KCNK13: variants seen among roughly 807,000 people sequenced by gnomAD.
KCNK13 encodes the protein potassium channel subfamily K member 13.
KCNK13 carries 12 observed loss-of-function variants against 23.4 expected under a neutral mutation model. The ratio of observed to expected loss-of-function variants is 0.51; its 90% CI spans 0.33 to 0.83. The LOEUF (loss-of-function observed/expected upper bound fraction) is 0.83, where lower values mean the gene tolerates loss of function less well. Ranked by LOEUF, KCNK13 falls within the 40% of genes least tolerant of loss-of-function variation. KCNK13 has a pLI of 0.02. For missense variants in KCNK13, 463 were observed against 556.3 expected (o/e 0.83, Z 1.69); for synonymous variants, 231 against 229.5 (o/e 1.01, Z -0.06).
intron 1 of KCNK13, among the ~76,000 whole-genome samples, chr14:90,064,379 G>T (rs547889391): frequency 6.6e-6 from 1 of 152,124 alleles, no homozygotes; most frequent in Non-Finnish European, 1.5e-5. Context: ...GTGTGTGTGT[G>T]GACAGGTGCA....
At chr14:90,072,497 G>A (rs8005841) in intron 1 of KCNK13, among the ~76,000 whole-genome samples, 1 of 152,190 alleles carries the variant, frequency 6.6e-6, no homozygotes, top group Admixed American at 6.5e-5. Context: ...CCAGTTGAAG[G>A]TTTGATGATC....
At chr14:90,121,721 A>G (rs1596787166) in intron 1 of KCNK13, among the ~76,000 whole-genome samples, 1 of 151,910 alleles carries the variant, frequency 6.6e-6, no homozygotes, top group Non-Finnish European at 1.5e-5. Flanking sequence ...TGTGCTTTTT[A>G]TTTTATTTTA....
In KCNK13 at chr14:90,092,912, C is replaced by CA. The variant is rs34122207; in HGVS notation, c.334+30395dup. 6.5e-3 allele frequency among the ~76,000 whole-genome samples: 509 copies of CA among 78,216 alleles called. 7 individuals carry two copies. The highest frequency in any genetic ancestry group is 9.4e-3 in the Non-Finnish European group (373 of 39,670). 51.3% of individuals were successfully genotyped at this position (78,216 alleles called of 152,430 possible). The stretch of plus-strand genomic sequence containing the variant: ...GGATGACAGAGTGAGACCCTGTCTC[C>CA]AAAAAAAAAAAAAAAAAAAAAAGCA... On this transcript the variant is annotated intron_variant, in intron 1 of 1. Transcript: ENST00000282146.
chr14:90,131,372 C>CGTG (rs767254675), intron 1 of KCNK13, among the ~76,000 whole-genome samples: 17 of 152,080 alleles, frequency 1.1e-4, no homozygotes, highest in Non-Finnish European at 2.1e-4. Flanking sequence ...ACTGGGACTA[C>CGTG]AGGCACGTGC....
At chr14:90,183,331 A>G (rs899808675) in intron 1 of KCNK13, among the ~76,000 whole-genome samples, 9 of 152,074 alleles carry the variant, frequency 5.9e-5, no homozygotes, top group African/African-American at 2.2e-4. Context: ...TCTCATTTCT[A>G]TGTATGCTAG....
intron 1 of KCNK13, among the ~76,000 whole-genome samples, chr14:90,064,519 C>G (rs1448709418): frequency 6.6e-6 from 1 of 152,120 alleles, no homozygotes; most frequent in Admixed American, 6.5e-5. Flanking sequence ...GGAGTGGGAG[C>G]TTTTCATCCT....
intron 1 of KCNK13, among the ~76,000 whole-genome samples, chr14:90,181,342 A>T (rs1890483253): frequency 6.6e-6 from 1 of 152,220 alleles, no homozygotes; most frequent in Non-Finnish European, 1.5e-5. Context: ...GTCCAAGATC[A>T]AGGCATCAGC....
intron 1 of KCNK13, among the ~76,000 whole-genome samples, chr14:90,070,209 G>A (rs1468337644): frequency 6.6e-6 from 1 of 152,192 alleles, no homozygotes; most frequent in Admixed American, 6.5e-5. Context: ...TGGGGGAAAG[G>A]TGTATCTTAA....
intron 1 of KCNK13, chr14:90,107,637 A>G (rs1318211479): frequency 3.2e-6 from 2 of 627,422 alleles, no homozygotes; most frequent in Non-Finnish European, 5.9e-6. Context: ...AATACCTACA[A>G]CTGAGGATTC....
intron 1 of KCNK13, among the ~76,000 whole-genome samples, chr14:90,111,769 A>G (rs1429378863): frequency 6.6e-6 from 1 of 152,210 alleles, no homozygotes; most frequent in East Asian, 1.9e-4. Context: ...GTTGCTTACT[A>G]TAGAGTATTA....
intron 1 of KCNK13, among the ~76,000 whole-genome samples, chr14:90,164,694 T>C (rs1890284127): frequency 6.6e-6 from 1 of 152,216 alleles, no homozygotes; most frequent in African/African-American, 2.4e-5. Context: ...GAACACATAC[T>C]GTAAATAACA....
At chr14:90,112,428 G>A (rs1409116722) in intron 1 of KCNK13, among the ~76,000 whole-genome samples, 1 of 152,188 alleles carries the variant, frequency 6.6e-6, no homozygotes, top group African/African-American at 2.4e-5. Context: ...TAGAGTGTCT[G>A]AGAAGAGCCA....
At chr14:90,084,943 C>T (rs1013667715) in intron 1 of KCNK13, among the ~76,000 whole-genome samples, 1 of 151,334 alleles carries the variant, frequency 6.6e-6, no homozygotes, top group African/African-American at 2.4e-5. Context: ...TATTATTATT[C>T]ATTTATTTAT....
chr14:90,167,170 C>T (rs1322282932), intron 1 of KCNK13, among the ~76,000 whole-genome samples: 4 of 152,136 alleles, frequency 2.6e-5, no homozygotes, highest in Non-Finnish European at 5.9e-5. Context: ...AAATCGGGCA[C>T]AGACTGTCAT....
chr14:90,174,871 AAATAAAT>A (rs1178348675), intron 1 of KCNK13, among the ~76,000 whole-genome samples: 1 of 151,914 alleles, frequency 6.6e-6, no homozygotes, highest in African/African-American at 2.4e-5. Context: ...TTAAATAAAT[AAATAAAT>A]AATAAATAAA....
At chr14:90,181,437 C>A (rs1416603991) in intron 1 of KCNK13, among the ~76,000 whole-genome samples, 1 of 152,160 alleles carries the variant, frequency 6.6e-6, no homozygotes, top group Non-Finnish European at 1.5e-5. Flanking sequence ...GGATGAATCA[C>A]CTCTTTTATA....
At position 90,184,409 on chromosome 14, in the gene KCNK13, C is replaced by T. The variant is rs149915166; in HGVS notation, c.633C>T (p.Cys211=). 91 of 1,614,126 alleles carry T rather than the reference C, an allele frequency of 5.6e-5. No individual in the cohort carries two copies. Among genetic ancestry groups the T allele is most frequent in the African/African-American group, 6.7e-5 (5 of 74,936 alleles). ...LCTASILISC[C]ASAMYTPIEG... is the part of the protein sequence containing the mutation. ...CAGCCTCCATCCTCATCTCTTGCTG[C>T]GCCTCAGCCATGTACACCCCCATTG... The change falls in exon 2 of 2, where the codon TGC becomes TGT. Residue 211 remains cysteine, a synonymous_variant. Coordinates refer to ENST00000282146, the MANE Select transcript of KCNK13 (RefSeq NM_022054.4). This position sits in a 1 kb window ranked among gnomAD's most constrained non-coding sequence, Gnocchi z 5.6.
intron 1 of KCNK13, among the ~76,000 whole-genome samples, chr14:90,126,034 A>G (rs1432791544): frequency 6.6e-6 from 1 of 152,080 alleles, no homozygotes; most frequent in Non-Finnish European, 1.5e-5. Flanking sequence ...AAAAAAAAAA[A>G]AAAGTGGAAT....
At chr14:90,100,894 A>G (rs1419899720) in intron 1 of KCNK13, among the ~76,000 whole-genome samples, 1 of 151,638 alleles carries the variant, frequency 6.6e-6, no homozygotes. Context: ...GAGTTTCACT[A>G]TGTTGCCCAG....
Sources: allele counts gnomAD v4.1 joint callset (sites outside exome capture counted in the v4.1 genomes callset), GRCh38; gene constraint gnomAD v4.1.1; non-coding constraint Gnocchi (gnomAD v3.1); transcripts MANE v1.5; gene names NCBI Gene and HGNC (gene_info 2026-07-23, HGNC 2026-07-21).